The following PTPRD variants were observed in gnomAD, a reference collection of about 807,000 sequenced individuals.
PTPRD encodes protein tyrosine phosphatase receptor type D.
Under a neutral mutation model 214.5 loss-of-function variants are expected in PTPRD, and 34 were observed. The ratio of observed to expected loss-of-function variants is 0.16; its 90% CI spans 0.12 to 0.21. The LOEUF (loss-of-function observed/expected upper bound fraction) is 0.21. Among genes scored for constraint, PTPRD ranks in the 10% least tolerant of loss-of-function variants. PTPRD has a pLI of 1.00. For missense variants in PTPRD, 2,545 were observed against 2,398.7 expected (o/e 1.06, Z -1.27); for synonymous variants, 1,128 against 845.7 (o/e 1.33, Z -5.79).
At chr9:9,160,159 G>T (rs2099885261) in intron 10 of PTPRD, among the ~76,000 whole-genome samples, 1 of 152,042 alleles carries the variant, frequency 6.6e-6, no homozygotes, top group Admixed American at 6.6e-5. Flanking sequence ...TATTCCTAAA[G>T]CACAAGATAA....
At chr9:10,285,364 T>C (rs2095309634) in intron 3 of PTPRD, among the ~76,000 whole-genome samples, 1 of 152,198 alleles carries the variant, frequency 6.6e-6, no homozygotes, top group Non-Finnish European at 1.5e-5. Context: ...AAAAGCATTT[T>C]GTCGGGGTTC....
chr9:9,042,624 T>C (rs2099643935), intron 10 of PTPRD, among the ~76,000 whole-genome samples: 2 of 149,122 alleles, frequency 1.3e-5, no homozygotes, highest in Admixed American at 6.7e-5. Flanking sequence ...CTTTTCTTTT[T>C]TTTTTTTTTT....
chr9:9,594,997 A>C (rs1269970559), intron 7 of PTPRD, among the ~76,000 whole-genome samples: 2 of 152,014 alleles, frequency 1.3e-5, no homozygotes, highest in Non-Finnish European at 1.5e-5. Context: ...GCTCAACATC[A>C]CTAATGATTA....
Position 10,487,566 on chromosome 9 carries a change from T to A in PTPRD, c.-600+124832A>T, listed in dbSNP as rs560774615. Among the ~76,000 whole-genome samples, 57 of 152,188 alleles carry A rather than the reference T, an allele frequency of 3.7e-4. 1 individual carries two copies. Among genetic ancestry groups the A allele is most frequent in the African/African-American group, 1.3e-3 (56 of 41,544 alleles). On this transcript the variant is annotated intron_variant, in intron 2 of 45. Coordinates refer to ENST00000381196, the MANE Select transcript of PTPRD (RefSeq NM_002839.4). ...TGATAACAACTTCACATTGTTTGCA[T>A]AAACAAACAAAAAGCAAACGAATAT...
At chr9:8,604,175 A>G (rs567210739) in intron 14 of PTPRD, among the ~76,000 whole-genome samples, 1 of 152,298 alleles carries the variant, frequency 6.6e-6, no homozygotes, top group Admixed American at 6.5e-5. Flanking sequence ...TAACCTCAAG[A>G]TCCTCCCAGG....
intron 2 of PTPRD, among the ~76,000 whole-genome samples, chr9:10,537,078 C>A (rs1442273313): frequency 1.3e-5 from 2 of 152,078 alleles, no homozygotes; most frequent in Non-Finnish European, 2.9e-5. Flanking sequence ...ACAGCATTTG[C>A]TCCTTTTTAG....
chr9:9,176,346 G>A (rs1469109079), intron 10 of PTPRD, among the ~76,000 whole-genome samples: 1 of 152,190 alleles, frequency 6.6e-6, no homozygotes, highest in African/African-American at 2.4e-5. Flanking sequence ...CTCAGGAGGA[G>A]TTAGAAGTCA....
intron 3 of PTPRD, among the ~76,000 whole-genome samples, chr9:10,082,588 T>G (rs145242502): frequency 3.0e-4 from 46 of 152,076 alleles, no homozygotes; most frequent in African/African-American, 1.0e-3. Flanking sequence ...ATGTAGAAAC[T>G]TCATATGCAT....
At chr9:10,288,071 A>C (rs1481403097) in intron 3 of PTPRD, among the ~76,000 whole-genome samples, 2 of 148,922 alleles carry the variant, frequency 1.3e-5, no homozygotes, top group Non-Finnish European at 2.9e-5. Flanking sequence ...AGAATTCAAA[A>C]ATTTTTTCTA....
intron 5 of PTPRD, among the ~76,000 whole-genome samples, chr9:9,817,722 A>G (rs1035759761): frequency 1.3e-5 from 2 of 152,332 alleles, no homozygotes; most frequent in African/African-American, 4.8e-5. Flanking sequence ...TTACAGAGAG[A>G]AAAACAAAGA....
intron 2 of PTPRD, among the ~76,000 whole-genome samples, chr9:10,557,432 G>A (rs1172514079): frequency 1.3e-5 from 2 of 151,968 alleles, no homozygotes; most frequent in East Asian, 1.9e-4. Flanking sequence ...TCATTGTTAT[G>A]TTTGATTTTG....
chr9:9,739,658 AT>A (rs1431605857), intron 6 of PTPRD, among the ~76,000 whole-genome samples: 2 of 150,974 alleles, frequency 1.3e-5, no homozygotes, highest in Middle Eastern at 3.2e-3. Context: ...GGTTTTGTTG[AT>A]CCCCTCTGTT....
chr9:8,677,509 C>G (rs1048109777), intron 12 of PTPRD, among the ~76,000 whole-genome samples: 1 of 152,030 alleles, frequency 6.6e-6, no homozygotes, highest in South Asian at 2.1e-4. Flanking sequence ...CAAGAGACAA[C>G]AGGGCCTAAT....
At chr9:9,962,016 A>G (rs2094398804) in intron 4 of PTPRD, among the ~76,000 whole-genome samples, 1 of 152,170 alleles carries the variant, frequency 6.6e-6, no homozygotes, top group African/African-American at 2.4e-5. Flanking sequence ...AATAACTTAG[A>G]ATCAGGTAGA....
chr9:10,102,309 A>G (rs1046766475), intron 3 of PTPRD, among the ~76,000 whole-genome samples: 1 of 151,594 alleles, frequency 6.6e-6, no homozygotes, highest in African/African-American at 2.4e-5. Flanking sequence ...TGGGGTATTG[A>G]ATTTGATGAA....
Position 9,774,131 on chromosome 9 carries a change from G to A in PTPRD, c.-367-7280C>T, listed in dbSNP as rs562866076. Among the ~76,000 whole-genome samples, 5 of 152,180 alleles carry A rather than the reference G, an allele frequency of 3.3e-5. No homozygotes were observed. In the South Asian group the frequency reaches 6.2e-4, roughly 19 times the overall value. On this transcript the variant is annotated intron_variant, in intron 5 of 45. Transcript: ENST00000381196. ...TTATACTGACAATGCTAAGGATATC[G>A]GAATCAAGAGTTCCAGGTCACAGTG...
rs188877496 is a variant in PTPRD at position 8,621,633 on chromosome 9, G to A, written c.352+11684C>T. On this transcript the variant is annotated intron_variant, in intron 14 of 45. Coordinates refer to ENST00000381196, the MANE Select transcript of PTPRD (RefSeq NM_002839.4). ...TATCTGTTTGTAAGCTGAGATGAGGGAATTCCATTTGCTATTGAGCCAGTG... is the reference window on the plus strand; with the variant it reads ...TATCTGTTTGTAAGCTGAGATGAGGAAATTCCATTTGCTATTGAGCCAGTG... Among the ~76,000 whole-genome samples, 134 of 151,680 alleles carry A rather than the reference G, an allele frequency of 8.8e-4. 1 individual carries two copies. The highest frequency in any genetic ancestry group is 1.7e-3 in the Non-Finnish European group (114 of 67,660).
chr9:9,207,282 C>A (rs749229890), intron 9 of PTPRD, among the ~76,000 whole-genome samples: 1 of 151,894 alleles, frequency 6.6e-6, no homozygotes, highest in Non-Finnish European at 1.5e-5. Flanking sequence ...AATAGACAAC[C>A]GCATGGAGAC....
At chr9:10,558,047 T>C (rs2063025121) in intron 2 of PTPRD, among the ~76,000 whole-genome samples, 1 of 152,154 alleles carries the variant, frequency 6.6e-6, no homozygotes, top group Non-Finnish European at 1.5e-5. Context: ...CATACTGGAC[T>C]CATAATTTCT....
Sources: gnomAD v4.1 joint callset for allele counts (sites outside exome capture counted in the v4.1 genomes callset) on GRCh38, gnomAD v4.1.1 for gene constraint, MANE v1.5 for transcripts, NCBI Gene and HGNC (gene_info 2026-07-23, HGNC 2026-07-21) for gene names.